The following UBE2D3 variants were observed in gnomAD, a reference collection of about 807,000 sequenced individuals.
UBE2D3 encodes the protein ubiquitin conjugating enzyme E2 D3.
UBE2D3 carries 2 observed loss-of-function variants against 22.8 expected under a neutral mutation model. That is an observed-to-expected ratio of 0.09 (90% CI 0.04 to 0.28). The LOEUF (loss-of-function observed/expected upper bound fraction) is 0.28. Ranked by LOEUF, UBE2D3 falls within the 10% of genes least tolerant of loss-of-function variation. The pLI is 1.00. For missense variants in UBE2D3, 27 were observed against 182.5 expected (o/e 0.15, Z 4.91); for synonymous variants, 56 against 60.4 (o/e 0.93, Z 0.34).
intron 2 of UBE2D3, chr4:102,812,580 A>G (rs555171299): frequency 2.0e-5 from 3 of 152,346 alleles, no homozygotes; most frequent in Admixed American, 1.3e-4. Context: ...TTTCCCTGCA[A>G]AACTGAGGAA....
At chr4:102,828,252 A>C (rs931763274), upstream of UBE2D3, 23 of 985,294 alleles carry the variant, frequency 2.3e-5, no homozygotes, top group Non-Finnish European at 2.7e-5. Context: ...GGGAGGTGCC[A>C]AGGATTAATT....
At chr4:102,846,554 TTCTC>T (rs1468140053) in intron 1 of UBE2D3, among the ~76,000 whole-genome samples, 2 of 152,216 alleles carry the variant, frequency 1.3e-5, no homozygotes, top group Admixed American at 1.3e-4. Flanking sequence ...TACATAGGTT[TTCTC>T]TCTCCAGAGA....
At chr4:102,866,714 G>A (rs769721630) in intron 1 of UBE2D3, among the ~76,000 whole-genome samples, 3 of 152,078 alleles carry the variant, frequency 2.0e-5, no homozygotes, top group Non-Finnish European at 4.4e-5. Context: ...ATACCAAGGG[G>A]AAAAATTAAA....
chr4:102,846,491 A>T (rs1443377456), intron 1 of UBE2D3, among the ~76,000 whole-genome samples: 1 of 152,176 alleles, frequency 6.6e-6, no homozygotes, highest in East Asian at 1.9e-4. Context: ...ATGTATTCTC[A>T]TATATGCTGT....
At chr4:102,826,457 AC>A (rs1464552757) in intron 2 of UBE2D3, 27 bp downstream of exon 2, 1 of 1,606,076 alleles carries the variant, frequency 6.2e-7, no homozygotes, top group Admixed American at 1.7e-5. Flanking sequence ...TTCTCCTACC[AC>A]CCCATGCCCT....
At chr4:102,835,826 C>T (rs1311156171) in intron 1 of UBE2D3, among the ~76,000 whole-genome samples, 2 of 152,124 alleles carry the variant, frequency 1.3e-5, no homozygotes, top group Non-Finnish European at 2.9e-5. Context: ...ATGAACTTCA[C>T]CACAAGTTTC....
intron 1 of UBE2D3, among the ~76,000 whole-genome samples, chr4:102,868,388 C>T (rs917996919): frequency 2.0e-5 from 3 of 152,102 alleles, no homozygotes; most frequent in African/African-American, 7.2e-5. Flanking sequence ...TCTTTTACCA[C>T]TTTCCCGAAG....
At chr4:102,822,034 T>C (rs1446864785) in intron 2 of UBE2D3, among the ~76,000 whole-genome samples, 1 of 152,248 alleles carries the variant, frequency 6.6e-6, no homozygotes, top group African/African-American at 2.4e-5. Context: ...CTGTGGAGAA[T>C]CCTCAAAGAT....
At chr4:102,839,416 C>G (rs188263719) in intron 1 of UBE2D3, among the ~76,000 whole-genome samples, 5 of 152,038 alleles carry the variant, frequency 3.3e-5, no homozygotes, top group African/African-American at 1.2e-4. Flanking sequence ...GGACTACAGC[C>G]GCTTGCCGCC....
intron 2 of UBE2D3, 108 bp downstream of exon 2, chr4:102,826,377 T>C (rs957195504): frequency 1.5e-6 from 2 of 1,376,950 alleles, no homozygotes; most frequent in African/African-American, 1.4e-5. Context: ...GAAGAAGTGA[T>C]CCAAGAGGTA....
At chr4:102,804,769 G>A (rs1252334935) in intron 4 of UBE2D3, among the ~76,000 whole-genome samples, 1 of 152,068 alleles carries the variant, frequency 6.6e-6, no homozygotes, top group South Asian at 2.1e-4. Flanking sequence ...CTGCCTCCTG[G>A]GATCAAGTGA....
Position 102,795,757 on chromosome 4 carries a change from A to G in UBE2D3, c.*1658T>C, listed in dbSNP as rs985225946. 36 of 152,066 alleles carry G rather than the reference A, an allele frequency of 2.4e-4. No homozygotes were observed. The highest frequency in any genetic ancestry group is 8.7e-4 in the African/African-American group (36 of 41,426). The allele number at this position is 152,066 out of a possible 1,614,324, so 9.4% of individuals were successfully genotyped here. ...TTCCACATGTGTGTGCAGACAAGGA[A>G]TAAGATTGCACGTAAGTGTAAGCAG... On this transcript the variant is annotated 3_prime_UTR_variant, in exon 8 of 8. Transcript: ENST00000453744.
Position 102,795,557 on chromosome 4 carries a change from C to G in UBE2D3, c.*1858G>C, listed in dbSNP as rs1353166172. On this transcript the variant is annotated 3_prime_UTR_variant, in exon 8 of 8. Coordinates refer to ENST00000453744, the MANE Select transcript of UBE2D3 (RefSeq NM_181891.3). ...TGAAAAAATTCACTCATTGGAAAAA[C>G]TGCGTAGCTGGTTTTTTCCCCAATG... 4 of 152,046 alleles carry G rather than the reference C, an allele frequency of 2.6e-5. No homozygotes were observed. In the East Asian group the frequency reaches 7.7e-4, roughly 29 times the overall value. 9.4% of individuals were successfully genotyped at this position (152,046 alleles called of 1,614,324 possible). A position where few individuals can be genotyped will look rare whatever the true frequency, so the allele number is the denominator to read the frequency against.
At chr4:102,816,822 T>C (rs571371526) in intron 2 of UBE2D3, among the ~76,000 whole-genome samples, 15 of 152,288 alleles carry the variant, frequency 9.8e-5, no homozygotes, top group Non-Finnish European at 1.8e-4. Flanking sequence ...CATAGGAACA[T>C]TGCCTTTTTG....
At chr4:102,817,103 T>TA (rs761928112) in intron 2 of UBE2D3, among the ~76,000 whole-genome samples, 1 of 152,080 alleles carries the variant, frequency 6.6e-6, no homozygotes. Flanking sequence ...GCATTCTAGG[T>TA]AGAGAAACTC....
rs1173997032 is a variant in UBE2D3 at position 102,796,608 on chromosome 4, T to C, written c.*807A>G. On this transcript the variant is annotated 3_prime_UTR_variant, in exon 8 of 8. Transcript: ENST00000453744. ...TAACTCATTGGTTTATGCAACTTTA[T>C]TGAAGAAAAATAAATCAATTACTAG... 1 of 152,448 alleles carries C rather than the reference T, an allele frequency of 6.6e-6. No homozygotes were observed. The highest frequency in any genetic ancestry group is 2.4e-5 in the African/African-American group (1 of 41,436). The allele number at this position is 152,448 out of a possible 1,614,324, so 9.4% of individuals were successfully genotyped here. A position where few individuals can be genotyped will look rare whatever the true frequency, so the allele number is the denominator to read the frequency against.
intron 1 of UBE2D3, chr4:102,826,860 C>A: frequency 8.9e-7 from 1 of 1,121,236 alleles, no homozygotes; most frequent in East Asian, 6.1e-5. Flanking sequence ...AAGGAAGAGA[C>A]CCGGGTGGGA....
At position 102,794,600 on chromosome 4, in the gene UBE2D3, A is replaced by G. The variant is rs1725073548; in HGVS notation, c.*2815T>C. On this transcript the variant is annotated 3_prime_UTR_variant, in exon 8 of 8. Coordinates refer to ENST00000453744, the MANE Select transcript of UBE2D3 (RefSeq NM_181891.3). ...CTGAGTTACCCCCCTCCCCGCCCAAATTACTAACACAGCATGATCAGTACC... is the reference window on the plus strand; with the variant it reads ...CTGAGTTACCCCCCTCCCCGCCCAAGTTACTAACACAGCATGATCAGTACC... The G allele has an allele frequency of 6.6e-6, 1 of 151,812 alleles. No individual in the cohort carries two copies. The highest frequency in any genetic ancestry group is 2.4e-5 in the African/African-American group (1 of 41,314). The allele number at this position is 151,812 out of a possible 1,614,324, so 9.4% of individuals were successfully genotyped here. A position where few individuals can be genotyped will look rare whatever the true frequency, so the allele number is the denominator to read the frequency against.
Position 102,797,499 on chromosome 4 carries a change from G to C in UBE2D3, c.399-39C>G, listed in dbSNP as rs1018733718. On this transcript the variant is annotated intron_variant, in intron 7 of 7. Coordinates refer to ENST00000453744, the MANE Select transcript of UBE2D3 (RefSeq NM_181891.3). ...TGTTATTTTTAAAAGTTAAAATAAAGAATTCCTAATACTTTAAATGGAAGG... is the reference window on the plus strand; with the variant it reads ...TGTTATTTTTAAAAGTTAAAATAAACAATTCCTAATACTTTAAATGGAAGG... 3 of 1,502,642 alleles carry C rather than the reference G, an allele frequency of 2.0e-6. No homozygotes were observed. The African/African-American group carries it at 4.2e-5, about 21-fold the overall frequency. The allele number at this position is 1,502,642 out of a possible 1,614,324, so 93.1% of individuals were successfully genotyped here.
Sources: gnomAD v4.1 joint callset for allele counts (sites outside exome capture counted in the v4.1 genomes callset) on GRCh38, gnomAD v4.1.1 for gene constraint, MANE v1.5 for transcripts, NCBI Gene and HGNC (gene_info 2026-07-23, HGNC 2026-07-21) for gene names.